The following TOX3 variants were observed in gnomAD, a reference collection of about 807,000 sequenced individuals.
The protein encoded by TOX3 is CAG trinucleotide repeat-containing gene F9 protein.
Under a neutral mutation model 64.3 loss-of-function variants are expected in TOX3, and 22 were observed. The observed-to-expected ratio is 0.34, with a 90% CI of 0.24 to 0.49. The LOEUF (loss-of-function observed/expected upper bound fraction) is 0.49, where lower values mean the gene tolerates loss of function less well. Among genes scored for constraint, TOX3 ranks in the 20% least tolerant of loss-of-function variants. The pLI is 0.99. For missense variants in TOX3, 661 were observed against 714.4 expected (o/e 0.93, Z 0.85); for synonymous variants, 291 against 273.6 (o/e 1.06, Z -0.63).
At chr16:52,489,117 T>A (rs918968682) in intron 1 of TOX3, among the ~76,000 whole-genome samples, 2 of 152,186 alleles carry the variant, frequency 1.3e-5, no homozygotes, top group Non-Finnish European at 1.5e-5. Context: ...CTTCCATCTG[T>A]GTTCTGAATC....
chr16:52,534,065 G>C (rs767409557), intron 1 of TOX3, among the ~76,000 whole-genome samples: 3 of 152,138 alleles, frequency 2.0e-5, no homozygotes, highest in Non-Finnish European at 2.9e-5. Flanking sequence ...GGGTAGGTTG[G>C]TTTGACTGGG....
intron 1 of TOX3, among the ~76,000 whole-genome samples, chr16:52,527,494 G>T (rs543835010): frequency 6.6e-6 from 1 of 152,226 alleles, no homozygotes; most frequent in African/African-American, 2.4e-5. Flanking sequence ...TTCTCAATCC[G>T]CCAGATCACA....
chr16:52,519,976 C>CAAAAA (rs61541718), intron 1 of TOX3, among the ~76,000 whole-genome samples: 1 of 127,600 alleles, frequency 7.8e-6, no homozygotes. Context: ...GTCTCAAAAA[C>CAAAAA]AAAAAAAAAA....
intron 1 of TOX3, among the ~76,000 whole-genome samples, chr16:52,516,622 A>C (rs550806311): frequency 1.3e-5 from 2 of 152,240 alleles, no homozygotes; most frequent in Non-Finnish European, 2.9e-5. Context: ...AAAATCAGAT[A>C]TATGCTACCC....
chr16:52,495,591 A>G (rs147426832), intron 1 of TOX3, among the ~76,000 whole-genome samples: 172 of 152,330 alleles, frequency 1.1e-3, no homozygotes, highest in African/African-American at 4.1e-3. Flanking sequence ...TTGTTTTAAA[A>G]TCACACAGCA....
chr16:52,453,257 C>G (rs1012091296), intron 3 of TOX3, among the ~76,000 whole-genome samples: 7 of 150,682 alleles, frequency 4.6e-5, no homozygotes, highest in Non-Finnish European at 8.8e-5. Context: ...CATCTCGGCT[C>G]ACTGCAACCT....
At chr16:52,452,629 T>C (rs1287955956) in intron 3 of TOX3, among the ~76,000 whole-genome samples, 2 of 151,108 alleles carry the variant, frequency 1.3e-5, no homozygotes, top group African/African-American at 4.9e-5. Context: ...TGTATACATA[T>C]ATAACAAACC....
At chr16:52,527,783 G>A (rs936449018) in intron 1 of TOX3, among the ~76,000 whole-genome samples, 10 of 152,130 alleles carry the variant, frequency 6.6e-5, no homozygotes, top group African/African-American at 2.4e-4. Context: ...TGTAACAAAG[G>A]AATAATTCAT....
At chr16:52,457,238 A>G (rs146170812) in intron 3 of TOX3, among the ~76,000 whole-genome samples, 21 of 152,294 alleles carry the variant, frequency 1.4e-4, no homozygotes, top group African/African-American at 4.6e-4. Context: ...CAAATCTAAG[A>G]TATAAGCTTT....
In TOX3 at chr16:52,546,901, C is replaced by A; in HGVS notation, c.-178G>T. On this transcript the variant is annotated 5_prime_UTR_variant, in exon 1 of 7. Transcript: ENST00000219746. ...GCTCGGGAGCCGCGGCCGCCGCACACAAAGGCGCGGCCACGCGAGCCGCGG... is the reference window on the plus strand; with the variant it reads ...GCTCGGGAGCCGCGGCCGCCGCACAAAAAGGCGCGGCCACGCGAGCCGCGG... 8.9e-7 allele frequency: 1 copy of A among 1,129,438 alleles called. No homozygotes were observed. The allele number at this position is 1,129,438 out of a possible 1,614,324, so 70.0% of individuals were successfully genotyped here.
At position 52,437,232 on chromosome 16, in the gene TOX3, A is replaced by G. The variant is rs898803639; in HGVS notation, c.*1993T>C. ...TATAATTAGAATCTCTTGCTGTTCA[A>G]TATTTGTACATAATACAGAGTAGGA... On this transcript the variant is annotated 3_prime_UTR_variant, in exon 7 of 7. Coordinates refer to ENST00000219746, the MANE Select transcript of TOX3 (RefSeq NM_001080430.4). The G allele has an allele frequency of 2.6e-5, 4 of 152,248 alleles. No homozygotes were observed. Among genetic ancestry groups the G allele is most frequent in the Non-Finnish European group, 5.9e-5 (4 of 68,038 alleles). The allele number at this position is 152,248 out of a possible 1,614,324, so 9.4% of individuals were successfully genotyped here. A position where few individuals can be genotyped will look rare whatever the true frequency, so the allele number is the denominator to read the frequency against.
intron 1 of TOX3, chr16:52,519,445 A>T (rs1962541235): frequency 6.4e-7 from 1 of 1,551,432 alleles, no homozygotes; most frequent in South Asian, 1.2e-5. Context: ...GTCTCTCCTC[A>T]ATGCGCCTGG....
At chr16:52,475,680 G>T (rs575140710) in intron 1 of TOX3, 1 of 152,272 alleles carries the variant, frequency 6.6e-6, no homozygotes, top group South Asian at 2.1e-4. Context: ...GTCAATGGGG[G>T]CAAGGATTCA....
intron 1 of TOX3, among the ~76,000 whole-genome samples, chr16:52,470,480 A>G (rs1322191564): frequency 6.6e-6 from 1 of 152,244 alleles, no homozygotes; most frequent in African/African-American, 2.4e-5. Flanking sequence ...AATAGCACCT[A>G]AAACAACAAA....
At chr16:52,507,928 T>C (rs896337555) in intron 1 of TOX3, among the ~76,000 whole-genome samples, 1 of 152,218 alleles carries the variant, frequency 6.6e-6, no homozygotes, top group African/African-American at 2.4e-5. Context: ...GTAAATCAGA[T>C]GACTGAACTA....
chr16:52,467,795 A>G (rs538202985), intron 2 of TOX3, among the ~76,000 whole-genome samples: 81 of 152,300 alleles, frequency 5.3e-4, no homozygotes, highest in African/African-American at 1.9e-3. Flanking sequence ...AATGCAGTAA[A>G]AAGAGCAGCA....
At chr16:52,503,091 C>T (rs1962047940) in intron 1 of TOX3, among the ~76,000 whole-genome samples, 1 of 152,104 alleles carries the variant, frequency 6.6e-6, no homozygotes, top group Admixed American at 6.6e-5. Flanking sequence ...TGGTAATTTG[C>T]TGAAACTTGG....
chr16:52,508,728 A>T (rs1962225793), intron 1 of TOX3, among the ~76,000 whole-genome samples: 1 of 152,146 alleles, frequency 6.6e-6, no homozygotes, highest in Non-Finnish European at 1.5e-5. Flanking sequence ...TGCAACTGAG[A>T]AGCGCACAGA....
intron 4 of TOX3, among the ~76,000 whole-genome samples, chr16:52,449,271 GC>G (rs1960260827): frequency 6.6e-6 from 1 of 152,086 alleles, no homozygotes; most frequent in Non-Finnish European, 1.5e-5. Context: ...CCACATTTAA[GC>G]CATTTCGTTC....
Sources: gnomAD v4.1 joint callset for allele counts (sites outside exome capture counted in the v4.1 genomes callset) on GRCh38, gnomAD v4.1.1 for gene constraint, MANE v1.5 for transcripts, NCBI Gene and HGNC (gene_info 2026-07-23, HGNC 2026-07-21) for gene names.